TEX11: variants seen among roughly 807,000 people sequenced by gnomAD.
TEX11 encodes testis-expressed protein 11.
A neutral mutation model predicts 84.4 loss-of-function variants in TEX11; 7 were observed. The observed-to-expected ratio is 0.08, with a 90% CI of 0.05 to 0.16. The LOEUF is 0.16. TEX11 is among the 10% of genes least tolerant of loss of function. TEX11 has a pLI of 1.00. For missense variants in TEX11, 551 were observed against 660.5 expected (o/e 0.83, Z 1.82); for synonymous variants, 264 against 222.8 (o/e 1.18, Z -1.64).
chrX:70,788,973 T>TAGAGAGAGAG (rs35956435), intron 9 of TEX11, among the ~76,000 whole-genome samples: 5 of 9,560 alleles, frequency 5.2e-4, no homozygotes, highest in Non-Finnish European at 9.0e-4. Flanking sequence ...TATATATATA[T>TAGAGAGAGAG]AGAGAGAGAG....
At chrX:70,620,071 G>A (rs1032527847) in intron 20 of TEX11, among the ~76,000 whole-genome samples, 3 of 110,647 alleles carry the variant, frequency 2.7e-5, no homozygotes, top group African/African-American at 9.9e-5. Flanking sequence ...TGATCCGCCC[G>A]CCTCGGCCTC....
chrX:70,798,525 G>T (rs1042733359), intron 9 of TEX11, among the ~76,000 whole-genome samples: 1 of 112,063 alleles, frequency 8.9e-6, no homozygotes, highest in African/African-American at 3.2e-5. Context: ...GACCTAAATA[G>T]CCAAAGCAAT....
At chrX:70,783,933 T>G (rs1357018052) in intron 9 of TEX11, among the ~76,000 whole-genome samples, 1 of 111,236 alleles carries the variant, frequency 9.0e-6, no homozygotes, top group East Asian at 2.8e-4. Flanking sequence ...CTGAAACTAT[T>G]CCAATCAATA....
At chrX:70,586,853 G>A (rs1012818232) in intron 25 of TEX11, among the ~76,000 whole-genome samples, 2 of 111,808 alleles carry the variant, frequency 1.8e-5, no homozygotes, top group South Asian at 3.7e-4. Context: ...CACTTTGGAG[G>A]GTTTAGAAGA....
At chrX:70,685,831 T>C (rs1033384825) in intron 13 of TEX11, among the ~76,000 whole-genome samples, 1 of 112,353 alleles carries the variant, frequency 8.9e-6, no homozygotes, top group African/African-American at 3.2e-5. Context: ...TGATCAGTAA[T>C]GCTGAGCTTT....
chrX:70,594,840 A>G (rs1326827646), intron 24 of TEX11, among the ~76,000 whole-genome samples: 1 of 111,148 alleles, frequency 9.0e-6, no homozygotes. Context: ...TACCCTGTGA[A>G]GAGGTGCCTT....
At chrX:70,625,968 G>A (rs1178127042) in intron 18 of TEX11, among the ~76,000 whole-genome samples, 1 of 109,715 alleles carries the variant, frequency 9.1e-6, no homozygotes, top group Non-Finnish European at 1.9e-5. Context: ...GGCTGGTCTC[G>A]AACTCCTGAC....
intron 9 of TEX11, among the ~76,000 whole-genome samples, chrX:70,799,226 A>G (rs192174193): frequency 1.8e-5 from 2 of 112,416 alleles, no homozygotes; most frequent in Non-Finnish European, 3.8e-5. Context: ...AGCTATGTCA[A>G]TGCAATCTTT....
At chrX:70,539,195 C>T (rs1365784564) in intron 28 of TEX11, among the ~76,000 whole-genome samples, 3 of 106,079 alleles carry the variant, frequency 2.8e-5, no homozygotes, top group African/African-American at 1.0e-4. Context: ...CCACCACGCC[C>T]GGCTAACTTT....
intron 13 of TEX11, among the ~76,000 whole-genome samples, chrX:70,712,160 G>A (rs1434917197): frequency 9.0e-6 from 1 of 111,200 alleles, no homozygotes; most frequent in Non-Finnish European, 1.9e-5. Flanking sequence ...TCTCTGTTTT[G>A]GTACCAGTAC....
chrX:70,527,478 A>G (rs1268933148), downstream of TEX11, among the ~76,000 whole-genome samples: 1 of 112,118 alleles, frequency 8.9e-6, no homozygotes, highest in Non-Finnish European at 1.9e-5. Context: ...CAAAGTAATT[A>G]GCCTGTACTC....
intron 7 of TEX11, among the ~76,000 whole-genome samples, chrX:70,839,090 G>A (rs948815535): frequency 1.8e-5 from 2 of 112,585 alleles, no homozygotes; most frequent in Non-Finnish European, 3.8e-5. Flanking sequence ...CAAAAAGACA[G>A]CAGTAACCTA....
intron 11 of TEX11, among the ~76,000 whole-genome samples, chrX:70,728,629 A>T (rs1358857576): frequency 9.0e-6 from 1 of 110,911 alleles, no homozygotes; most frequent in African/African-American, 3.3e-5. Flanking sequence ...GGCGCCCACC[A>T]TTGCCGAGGC....
chrX:70,829,154 C>A (rs909475955), intron 8 of TEX11, among the ~76,000 whole-genome samples: 8 of 111,492 alleles, frequency 7.2e-5, no homozygotes, highest in Admixed American at 9.6e-5. Context: ...GAAGAAATCA[C>A]CTGAAGGTAC....
At chrX:70,546,604 C>T (rs1450929724) in intron 28 of TEX11, among the ~76,000 whole-genome samples, 1 of 111,109 alleles carries the variant, frequency 9.0e-6, no homozygotes, top group Non-Finnish European at 1.9e-5. Flanking sequence ...AAACACAATA[C>T]ACGAACAGTC....
At chrX:70,861,991 TA>T (rs1453590979) in intron 4 of TEX11, among the ~76,000 whole-genome samples, 47 of 109,544 alleles carry the variant, frequency 4.3e-4, no homozygotes, top group African/African-American at 1.5e-3. Context: ...AATATATATA[TA>T]TTTTTTTCTG....
At chrX:70,833,395 C>T (rs2091388388) in intron 8 of TEX11, 118 bp downstream of exon 8, 1 of 546,623 alleles carries the variant, frequency 1.8e-6, no homozygotes, top group Non-Finnish European at 3.0e-6. Context: ...AGATCAGCTA[C>T]TTATGTGGAA....
chrX:70,816,702 T>G, intron 8 of TEX11, among the ~76,000 whole-genome samples: 2 of 99,337 alleles, frequency 2.0e-5, no homozygotes, highest in African/African-American at 3.6e-5. Context: ...ACAGAGTGAG[T>G]GAGACTCTGT....
intron 5 of TEX11, among the ~76,000 whole-genome samples, chrX:70,855,958 A>G (rs913870249): frequency 8.9e-6 from 1 of 111,816 alleles, no homozygotes; most frequent in Admixed American, 9.6e-5. Flanking sequence ...AAGCCAACCA[A>G]CCTGTGATAT....
Sources: allele counts gnomAD v4.1 joint callset (sites outside exome capture counted in the v4.1 genomes callset), GRCh38; gene constraint gnomAD v4.1.1; transcripts MANE v1.5; gene names NCBI Gene and HGNC (gene_info 2026-07-23, HGNC 2026-07-21).